The following NPSR1 variants were observed in gnomAD, a reference collection of about 807,000 sequenced individuals.
NPSR1 encodes neuropeptide S receptor 1, also known as neuropeptide S receptor.
In NPSR1, 48 loss-of-function variants were observed where a neutral mutation model predicts 46.9. The observed-to-expected ratio is 1.02, with a 90% CI of 0.81 to 1.30. NPSR1 has a LOEUF of 1.30. NPSR1 is among the 50% of genes most tolerant of loss of function. The probability of loss-of-function intolerance (pLI) is 0.00; values close to 1 mark genes in which losing one functional copy is unlikely to be tolerated. For missense variants in NPSR1, 450 were observed against 449.5 expected (o/e 1.00, Z -0.01); for synonymous variants, 176 against 168.1 (o/e 1.05, Z -0.36).
At chr7:34,826,288 A>G (rs1789832917) in intron 4 of NPSR1, among the ~76,000 whole-genome samples, 1 of 152,160 alleles carries the variant, frequency 6.6e-6, no homozygotes, top group Non-Finnish European at 1.5e-5. Context: ...AGTGCATACA[A>G]TTCAGGAAGA....
intron 1 of NPSR1, among the ~76,000 whole-genome samples, chr7:34,681,161 C>T (rs901765250): frequency 6.6e-6 from 1 of 152,134 alleles, no homozygotes. Flanking sequence ...TCTGCCCTGC[C>T]TCCATCCCCA....
At chr7:34,704,678 G>C (rs323919) in intron 2 of NPSR1, among the ~76,000 whole-genome samples, 9,327 of 152,294 alleles carry the variant, frequency 0.061, 318 homozygotes, top group South Asian at 0.09. Context: ...GACTCAAAAG[G>C]CTGAGTGGAA....
intron 2 of NPSR1, among the ~76,000 whole-genome samples, chr7:34,687,780 T>C (rs999032333): frequency 6.6e-6 from 1 of 152,194 alleles, no homozygotes; most frequent in South Asian, 2.1e-4. Context: ...CCTACAATAA[T>C]TAGAAAAGCT....
chr7:34,664,653 G>T (rs755180240), intron 1 of NPSR1, among the ~76,000 whole-genome samples: 2 of 151,474 alleles, frequency 1.3e-5, no homozygotes, highest in Non-Finnish European at 2.9e-5. Flanking sequence ...TGTAGAATAA[G>T]ATATAGATAT....
intron 1 of NPSR1, among the ~76,000 whole-genome samples, chr7:34,672,079 G>A (rs562612562): frequency 5.9e-5 from 9 of 152,268 alleles, no homozygotes; most frequent in Admixed American, 4.6e-4. Context: ...GACTTAATTT[G>A]CTCAAATGTT....
intron 3 of NPSR1, among the ~76,000 whole-genome samples, chr7:34,783,422 A>G (rs1238502808): frequency 6.6e-6 from 1 of 152,096 alleles, no homozygotes; most frequent in African/African-American, 2.4e-5. Flanking sequence ...ACCATGGGGG[A>G]AACCACCTCC....
intron 2 of NPSR1, among the ~76,000 whole-genome samples, chr7:34,727,259 T>C (rs1381324039): frequency 6.6e-6 from 1 of 152,198 alleles, no homozygotes; most frequent in Non-Finnish European, 1.5e-5. Context: ...GAGTGGAGGC[T>C]ATCTTCAAAC....
At chr7:34,756,754 A>T (rs773047641) in intron 2 of NPSR1, among the ~76,000 whole-genome samples, 8 of 152,220 alleles carry the variant, frequency 5.3e-5, no homozygotes, top group Non-Finnish European at 1.0e-4. Flanking sequence ...AGCGACCTGA[A>T]TTCAAATCCT....
At chr7:34,790,980 G>T (rs1248384083) in intron 3 of NPSR1, among the ~76,000 whole-genome samples, 6 of 105,922 alleles carry the variant, frequency 5.7e-5, no homozygotes, top group African/African-American at 2.0e-4. Context: ...TATGTTATAT[G>T]TTATATTATA....
chr7:34,877,000 C>A (rs985465917), intron 8 of NPSR1, among the ~76,000 whole-genome samples: 1 of 152,190 alleles, frequency 6.6e-6, no homozygotes, highest in South Asian at 2.1e-4. Flanking sequence ...CATACAGACA[C>A]ACAACCTGGG....
At chr7:34,672,458 G>A (rs938222236) in intron 1 of NPSR1, among the ~76,000 whole-genome samples, 1 of 152,188 alleles carries the variant, frequency 6.6e-6, no homozygotes, top group African/African-American at 2.4e-5. Flanking sequence ...AACTGAATTC[G>A]AAAGTAACGC....
At chr7:34,864,139 G>C (rs1162393902) in intron 8 of NPSR1, among the ~76,000 whole-genome samples, 1 of 151,676 alleles carries the variant, frequency 6.6e-6, no homozygotes, top group African/African-American at 2.4e-5. Flanking sequence ...ACCAAACACT[G>C]CATGTCCTCA....
At chr7:34,830,461 C>T (rs1790065650) in intron 5 of NPSR1, among the ~76,000 whole-genome samples, 1 of 151,620 alleles carries the variant, frequency 6.6e-6, no homozygotes, top group Non-Finnish European at 1.5e-5. Context: ...TTTTAAAGTA[C>T]TTATTAGGTT....
intron 3 of NPSR1, among the ~76,000 whole-genome samples, chr7:34,792,649 A>ATG (rs1787948030): frequency 1.6e-5 from 2 of 121,222 alleles, no homozygotes; most frequent in East Asian, 2.3e-4. Flanking sequence ...GTGTATATAT[A>ATG]TATGTATATA....
chr7:34,812,166 T>C (rs1466330025), intron 4 of NPSR1, among the ~76,000 whole-genome samples: 1 of 152,180 alleles, frequency 6.6e-6, no homozygotes, highest in Non-Finnish European at 1.5e-5. Context: ...TGCTGATGCT[T>C]CCATCTTTTT....
chr7:34,678,091 TTCTTCA>T (rs878892153), intron 1 of NPSR1, among the ~76,000 whole-genome samples: 3 of 152,312 alleles, frequency 2.0e-5, no homozygotes, highest in Admixed American at 2.0e-4. Flanking sequence ...TTTCTCTTCC[TTCTTCA>T]TCCAAGAATG....
At chr7:34,803,706 T>A (rs1176823424) in intron 3 of NPSR1, among the ~76,000 whole-genome samples, 1 of 148,298 alleles carries the variant, frequency 6.7e-6, no homozygotes, top group Non-Finnish European at 1.5e-5. Flanking sequence ...ACCCTAAAAC[T>A]TAAAGTATAA....
At chr7:34,847,849 A>C (rs1024635275) in intron 7 of NPSR1, among the ~76,000 whole-genome samples, 1 of 152,170 alleles carries the variant, frequency 6.6e-6, no homozygotes, top group Admixed American at 6.5e-5. Context: ...AAAATTAACC[A>C]TCACACCTGA....
At chr7:34,665,779 C>T (rs867625179) in intron 1 of NPSR1, among the ~76,000 whole-genome samples, 5 of 152,088 alleles carry the variant, frequency 3.3e-5, no homozygotes, top group African/African-American at 9.7e-5. Flanking sequence ...TCTTGACATG[C>T]ATGTTCACCT....
Sources: gnomAD v4.1 joint callset for allele counts (sites outside exome capture counted in the v4.1 genomes callset) on GRCh38, gnomAD v4.1.1 for gene constraint, MANE v1.5 for transcripts, NCBI Gene and HGNC (gene_info 2026-07-23, HGNC 2026-07-21) for gene names.